The following PACRG variants were observed in gnomAD, a reference collection of about 807,000 sequenced individuals.
PACRG encodes the protein parkin coregulated gene protein.
PACRG carries 29 observed loss-of-function variants against 29.7 expected under a neutral mutation model. That is an observed-to-expected ratio of 0.98 (90% CI 0.73 to 1.33). The LOEUF is 1.33. PACRG is among the 40% of genes most tolerant of loss of function. PACRG has a pLI of 0.00. For synonymous variants in PACRG, 116 were observed against 118.7 expected, an observed-to-expected ratio of 0.98 and a Z score of 0.15; for missense variants, 279 against 316.2, an observed-to-expected ratio of 0.88 and a Z score of 0.89.
chr6:163,182,773 A>G (rs1020664871), intron 4 of PACRG: 4 of 152,240 alleles, frequency 2.6e-5, no homozygotes, highest in Non-Finnish European at 4.4e-5. Context: ...ATGGAAACTC[A>G]TAGATGTTAA....
intron 3 of PACRG, among the ~76,000 whole-genome samples, chr6:163,072,076 G>C (rs1812113413): frequency 6.6e-6 from 1 of 151,152 alleles, no homozygotes; most frequent in Non-Finnish European, 1.5e-5. Context: ...ATACTTCCAA[G>C]TTCATTCTAT....
chr6:163,034,383 CTGAGAGGGACTTTAA>C (rs1807962653), intron 2 of PACRG, among the ~76,000 whole-genome samples: 1 of 152,166 alleles, frequency 6.6e-6, no homozygotes, highest in South Asian at 2.1e-4. Flanking sequence ...CCGTTCTTAG[CTGAGAGGGACTTTAA>C]TGAGAGGGAC....
chr6:163,313,797 T>TGG, intron 4 of PACRG: 1 of 152,352 alleles, frequency 6.6e-6, no homozygotes, highest in South Asian at 2.1e-4. Context: ...CAGGACACAC[T>TGG]CATGACTTGC....
At chr6:162,785,218 T>G in intron 1 of PACRG, among the ~76,000 whole-genome samples, 1 of 149,150 alleles carries the variant, frequency 6.7e-6, no homozygotes, top group Non-Finnish European at 1.5e-5. Flanking sequence ...GAAAGGCAGG[T>G]GCATGAGGGC....
chr6:162,886,666 T>C (rs987412331), intron 2 of PACRG, among the ~76,000 whole-genome samples: 3 of 152,216 alleles, frequency 2.0e-5, no homozygotes, highest in Non-Finnish European at 4.4e-5. Flanking sequence ...GTTTTGACCA[T>C]TTATTTTTAT....
chr6:162,919,983 G>A (rs1176310379), intron 2 of PACRG, among the ~76,000 whole-genome samples: 1 of 152,100 alleles, frequency 6.6e-6, no homozygotes, highest in African/African-American at 2.4e-5. Context: ...AGCACAGTAG[G>A]TCCACTGACC....
chr6:163,150,908 A>G (rs763130574), intron 4 of PACRG, among the ~76,000 whole-genome samples: 46 of 152,306 alleles, frequency 3.0e-4, no homozygotes, highest in Admixed American at 7.2e-4. Context: ...TATCTACATT[A>G]TTATTGGTTT....
chr6:162,862,872 C>T (rs1258319924), intron 2 of PACRG, among the ~76,000 whole-genome samples: 3 of 152,138 alleles, frequency 2.0e-5, no homozygotes, highest in Non-Finnish European at 2.9e-5. Context: ...CGAAGGCAGG[C>T]GCTGCTGAGG....
chr6:162,789,774 C>T (rs1784791570), intron 1 of PACRG, among the ~76,000 whole-genome samples: 1 of 152,078 alleles, frequency 6.6e-6, no homozygotes, highest in Non-Finnish European at 1.5e-5. Flanking sequence ...TACATGATTG[C>T]CCTCTAAATA....
At chr6:162,878,215 A>C (rs762026640) in intron 2 of PACRG, among the ~76,000 whole-genome samples, 1 of 152,210 alleles carries the variant, frequency 6.6e-6, no homozygotes, top group East Asian at 1.9e-4. Flanking sequence ...ATCACAATTC[A>C]CATTTTTACA....
chr6:163,112,989 A>G (rs184674647), intron 4 of PACRG, among the ~76,000 whole-genome samples: 2 of 152,336 alleles, frequency 1.3e-5, no homozygotes. Context: ...CTAAAAGAAC[A>G]TGGGGAGGAA....
chr6:162,807,064 A>C (rs1786406931), intron 1 of PACRG, among the ~76,000 whole-genome samples: 1 of 152,122 alleles, frequency 6.6e-6, no homozygotes, highest in African/African-American at 2.4e-5. Flanking sequence ...TCACAAATCA[A>C]CCTCTACTAG....
At chr6:163,268,910 T>A (rs1248698502) in intron 4 of PACRG, among the ~76,000 whole-genome samples, 1 of 152,226 alleles carries the variant, frequency 6.6e-6, no homozygotes, top group Non-Finnish European at 1.5e-5. Flanking sequence ...TTCCGACTTC[T>A]TCCTAAGTTT....
intron 1 of PACRG, among the ~76,000 whole-genome samples, chr6:162,813,766 C>G (rs1019586616): frequency 6.6e-6 from 1 of 152,004 alleles, no homozygotes; most frequent in African/African-American, 2.4e-5. Flanking sequence ...TAAAGTATAT[C>G]AGACCCAAGA....
intron 4 of PACRG, among the ~76,000 whole-genome samples, chr6:163,157,089 A>AGTGGAGTGGTCTT (rs1778355776): frequency 6.6e-6 from 1 of 152,218 alleles, no homozygotes; most frequent in African/African-American, 2.4e-5. Context: ...CCTACCACAC[A>AGTGGAGTGGTCTT]GTGGAGTGGT....
chr6:163,197,351 G>C (rs1021773003), intron 4 of PACRG, among the ~76,000 whole-genome samples: 38 of 151,210 alleles, frequency 2.5e-4, no homozygotes, highest in Non-Finnish European at 4.9e-4. Context: ...ATCTGTAAAT[G>C]CTTGCTCTAG....
intron 1 of PACRG, among the ~76,000 whole-genome samples, chr6:162,737,134 T>G (rs1226630172): frequency 1.3e-5 from 2 of 152,184 alleles, no homozygotes; most frequent in African/African-American, 4.8e-5. Flanking sequence ...CTGCTGTGCT[T>G]GAATGTGCCT....
At chr6:163,255,592 G>A (rs977042218) in intron 4 of PACRG, among the ~76,000 whole-genome samples, 9 of 152,076 alleles carry the variant, frequency 5.9e-5, no homozygotes, top group Non-Finnish European at 1.3e-4. Context: ...CCAATCACCT[G>A]GGAACAACAA....
At chr6:163,144,153 TG>T (rs1445115569) in intron 4 of PACRG, among the ~76,000 whole-genome samples, 1 of 144,196 alleles carries the variant, frequency 6.9e-6, no homozygotes, top group Non-Finnish European at 1.5e-5. Flanking sequence ...AGCTTAAACC[TG>T]GGAGGCAGAG....
Sources: gnomAD v4.1 joint callset for allele counts (sites outside exome capture counted in the v4.1 genomes callset) on GRCh38, gnomAD v4.1.1 for gene constraint, MANE v1.5 for transcripts, NCBI Gene and HGNC (gene_info 2026-07-23, HGNC 2026-07-21) for gene names.